The following ZNF438 variants were observed in gnomAD, a reference collection of about 807,000 sequenced individuals.
ZNF438 encodes the protein zinc finger protein 438.
A neutral mutation model predicts 38.0 loss-of-function variants in ZNF438; 25 were observed. That is an observed-to-expected ratio of 0.66 (90% CI 0.48 to 0.92). The LOEUF (loss-of-function observed/expected upper bound fraction) is 0.92, where lower values mean the gene tolerates loss of function less well. Ranked by LOEUF, ZNF438 falls within the 40% of genes least tolerant of loss-of-function variation. The pLI is 0.00. For missense variants in ZNF438, 1,007 were observed against 999.6 expected (o/e 1.01, Z -0.10); for synonymous variants, 372 against 364.1 (o/e 1.02, Z -0.25).
chr10:31,016,257 A>C (rs1008716031), intron 1 of ZNF438, among the ~76,000 whole-genome samples: 4 of 152,342 alleles, frequency 2.6e-5, no homozygotes, highest in Admixed American at 1.3e-4. Flanking sequence ...GGTGATGTTA[A>C]AGTAAGAGCT....
intron 2 of ZNF438, among the ~76,000 whole-genome samples, chr10:30,940,319 C>T (rs138569356): frequency 2.1e-4 from 32 of 152,204 alleles, no homozygotes; most frequent in Non-Finnish European, 3.4e-4. Flanking sequence ...TAAAGCTACA[C>T]GGTAAAATAT....
chr10:31,022,344 C>A (rs140668980), intron 1 of ZNF438, among the ~76,000 whole-genome samples: 1 of 152,232 alleles, frequency 6.6e-6, no homozygotes, highest in African/African-American at 2.4e-5. Context: ...TCACTGCAAC[C>A]TCTGCCTCCG....
intron 3 of ZNF438, among the ~76,000 whole-genome samples, chr10:30,893,323 G>T (rs1483062299): frequency 6.6e-6 from 1 of 152,180 alleles, no homozygotes; most frequent in Non-Finnish European, 1.5e-5. Flanking sequence ...AAGGGTGATT[G>T]TTTATGGGAA....
At chr10:30,928,129 C>T (rs774538570) in intron 2 of ZNF438, among the ~76,000 whole-genome samples, 26 of 152,098 alleles carry the variant, frequency 1.7e-4, no homozygotes, top group African/African-American at 4.6e-4. Flanking sequence ...AGAGAGGCGA[C>T]GGAACTCCAC....
At chr10:30,888,774 T>C (rs951781106) in intron 3 of ZNF438, among the ~76,000 whole-genome samples, 1 of 152,246 alleles carries the variant, frequency 6.6e-6, no homozygotes, top group African/African-American at 2.4e-5. Context: ...CCAGTACCAC[T>C]GATGGGCATT....
intron 2 of ZNF438, among the ~76,000 whole-genome samples, chr10:30,910,661 G>T (rs1253584303): frequency 2.1e-5 from 2 of 96,648 alleles, no homozygotes; most frequent in African/African-American, 7.9e-5. Context: ...TGCTTTAGAC[G>T]AATCTTTATT....
At chr10:30,895,515 A>G (rs2041211917) in intron 3 of ZNF438, among the ~76,000 whole-genome samples, 1 of 152,246 alleles carries the variant, frequency 6.6e-6, no homozygotes, top group African/African-American at 2.4e-5. Context: ...AAACTGGACT[A>G]TACCAAAATT....
chr10:30,890,083 CAAAAAAA>C lies in ZNF438; in HGVS notation c.-31-13025_-31-13019del, dbSNP rs71863439. Among the ~76,000 whole-genome samples the C allele has an allele frequency of 2.2e-3, 207 of 93,390 alleles. 1 individual carries two copies. Among genetic ancestry groups the C allele is most frequent in the South Asian group, 7.7e-3 (20 of 2,608 alleles). 61.3% of individuals were successfully genotyped at this position (93,390 alleles called of 152,430 possible). ...AAGGTTTTATTATCTTTGGCATTTC[CAAAAAAA>C]AAAAAAAAAAAAAGAAAAAAAAAGA... On this transcript the variant is annotated intron_variant, in intron 3 of 5. Transcript: ENST00000413025.
intron 1 of ZNF438, among the ~76,000 whole-genome samples, chr10:30,960,267 T>A (rs1425255207): frequency 2.0e-5 from 3 of 147,520 alleles, no homozygotes; most frequent in Non-Finnish European, 4.6e-5. Flanking sequence ...AGCATAAAAA[T>A]GTTAATTTTA....
rs1440572680 is a variant in ZNF438, at chr10:30,958,775, C to A, written c.-191-17124G>T. Among the ~76,000 whole-genome samples, 2 of 146,848 alleles carry A rather than the reference C, an allele frequency of 1.4e-5. 1 individual carries two copies. Among genetic ancestry groups the A allele is most frequent in the Non-Finnish European group, 3.1e-5 (2 of 64,780 alleles). ...TCTCCTTGCTAACTCAATCAGTTTC[C>A]CTTTTCTAGAAATTTCATAAGTGAA... On this transcript the variant is annotated intron_variant, in intron 1 of 5. Coordinates refer to ENST00000413025, the Ensembl canonical transcript of ZNF438.
At chr10:30,874,258 C>G (rs988691087) in intron 4 of ZNF438, among the ~76,000 whole-genome samples, 1 of 151,360 alleles carries the variant, frequency 6.6e-6, no homozygotes, top group East Asian at 1.9e-4. Flanking sequence ...AAGCAATCCT[C>G]CTAGCTCAGC....
At chr10:31,003,120 G>A (rs1469380126) in intron 1 of ZNF438, among the ~76,000 whole-genome samples, 1 of 152,126 alleles carries the variant, frequency 6.6e-6, no homozygotes. Context: ...ATGTCACAAT[G>A]AGAGAGCACA....
In ZNF438 at chr10:30,922,709, C is replaced by A. The variant is rs1343189410; in HGVS notation, c.-114-13694G>T. 5.9e-5 allele frequency among the ~76,000 whole-genome samples: 9 copies of A among 151,910 alleles called. No homozygotes were observed. The South Asian group carries it at 1.7e-3, about 28-fold the overall frequency. On this transcript the variant is annotated intron_variant, in intron 2 of 5. Coordinates refer to ENST00000413025, the Ensembl canonical transcript of ZNF438. ...AATTAGCTGGGAATGGTGGAGGATG[C>A]CTATAATCCTAGCTACTTGGGAGTC...
intron 4 of ZNF438, among the ~76,000 whole-genome samples, chr10:30,870,166 G>A (rs1489320521): frequency 1.3e-5 from 2 of 152,146 alleles, no homozygotes; most frequent in African/African-American, 4.8e-5. Context: ...TTTACAAGGT[G>A]TATTCATATA....
At position 30,944,533 on chromosome 10, in the gene ZNF438, C is replaced by G. The variant is rs1020240605; in HGVS notation, c.-191-2882G>C. ...TTGGGTTGAGGGGAGAACTCGCCAG[C>G]TACAGTGGTTTTGAATTTCTAGACA... On this transcript the variant is annotated intron_variant, in intron 1 of 5. Coordinates refer to ENST00000413025, the Ensembl canonical transcript of ZNF438. Among the ~76,000 whole-genome samples, 37 of 152,252 alleles carry G rather than the reference C, an allele frequency of 2.4e-4. 1 individual carries two copies. Among genetic ancestry groups the G allele is most frequent in the Admixed American group, 2.1e-3 (32 of 15,300 alleles).
chr10:30,871,835 T>G (rs982384854), intron 4 of ZNF438, among the ~76,000 whole-genome samples: 2 of 152,230 alleles, frequency 1.3e-5, no homozygotes, highest in African/African-American at 4.8e-5. Flanking sequence ...TAGTAGTAGC[T>G]GTACAGCACA....
chr10:30,979,901 T>C (rs938839326), intron 1 of ZNF438, among the ~76,000 whole-genome samples: 1 of 152,206 alleles, frequency 6.6e-6, no homozygotes, highest in African/African-American at 2.4e-5. Flanking sequence ...AAACTAGGAA[T>C]GCTAAAGCTG....
intron 3 of ZNF438, among the ~76,000 whole-genome samples, chr10:30,894,136 G>A (rs1222778019): frequency 6.6e-6 from 1 of 152,184 alleles, no homozygotes; most frequent in Non-Finnish European, 1.5e-5. Flanking sequence ...TCTCTTTGCA[G>A]AAGATGCTCT....
chr10:30,867,863 C>T (rs2036720524), intron 4 of ZNF438, among the ~76,000 whole-genome samples: 1 of 152,062 alleles, frequency 6.6e-6, no homozygotes, highest in Admixed American at 6.5e-5. Flanking sequence ...ATATCACTAG[C>T]TGTCAACATT....
Sources: gnomAD v4.1 joint callset for allele counts (sites outside exome capture counted in the v4.1 genomes callset) on GRCh38, gnomAD v4.1.1 for gene constraint, MANE v1.5 for transcripts, NCBI Gene and HGNC (gene_info 2026-07-23, HGNC 2026-07-21) for gene names.